HRH2: variants seen among roughly 807,000 people sequenced by gnomAD.
HRH2 encodes histamine receptor H2.
HRH2 carries 4 observed loss-of-function variants against 20.1 expected under a neutral mutation model. That is an observed-to-expected ratio of 0.20 (90% CI 0.10 to 0.45). HRH2 has a LOEUF of 0.45. HRH2 is among the 20% of genes least tolerant of loss of function. The probability of loss-of-function intolerance (pLI) is 0.99; values close to 1 mark genes in which losing one functional copy is unlikely to be tolerated. For synonymous variants in HRH2, 197 were observed against 200.7 expected, an observed-to-expected ratio of 0.98 and a Z score of 0.16; for missense variants, 250 against 461.6, an observed-to-expected ratio of 0.54 and a Z score of 4.20.
intron 2 of HRH2, among the ~76,000 whole-genome samples, chr5:175,703,255 T>G (rs958297911): frequency 6.6e-6 from 1 of 152,178 alleles, no homozygotes; most frequent in Non-Finnish European, 1.5e-5. Flanking sequence ...TACAGAACAA[T>G]TATCTGACTA....
chr5:175,666,351 G>A (rs1377411591), intron 1 of HRH2, among the ~76,000 whole-genome samples: 1 of 152,188 alleles, frequency 6.6e-6, no homozygotes, highest in Non-Finnish European at 1.5e-5. Flanking sequence ...CTCAGTCACA[G>A]CACAGGATGA....
rs1757027190 is a variant in HRH2 at position 175,709,205 on chromosome 5, C to G, written c.*1234C>G. On this transcript the variant is annotated 3_prime_UTR_variant, in exon 3 of 3. Transcript: ENST00000636584. ...TTCCAAGATGCTTCATGATCTTCCC[C>G]CTCCCTGACATCCCCGACCTCCCTT... The G allele has an allele frequency of 6.6e-6, 1 of 152,256 alleles. No individual in the cohort carries two copies. Among genetic ancestry groups the G allele is most frequent in the African/African-American group, 2.4e-5 (1 of 41,396 alleles). 9.4% of individuals were successfully genotyped at this position (152,256 alleles called of 1,614,324 possible).
chr5:175,670,995 C>T (rs888613181), intron 1 of HRH2, among the ~76,000 whole-genome samples: 19 of 152,352 alleles, frequency 1.2e-4, no homozygotes, highest in Admixed American at 2.6e-4. Context: ...GAAAGAATGG[C>T]GCACATGGGG....
intron 1 of HRH2, among the ~76,000 whole-genome samples, chr5:175,680,429 TC>T (rs1351202026): frequency 6.6e-6 from 1 of 152,222 alleles, no homozygotes; most frequent in East Asian, 1.9e-4. Context: ...AGCAGTCACT[TC>T]CTGGTGGAGG....
At chr5:175,664,171 C>G (rs1485475241) in intron 1 of HRH2, among the ~76,000 whole-genome samples, 1 of 152,186 alleles carries the variant, frequency 6.6e-6, no homozygotes, top group Non-Finnish European at 1.5e-5. Context: ...CAAACACCTC[C>G]AGCTCCAGCA....
intron 2 of HRH2, chr5:175,685,487 A>G: frequency 6.4e-7 from 1 of 1,550,626 alleles, no homozygotes; most frequent in South Asian, 1.2e-5. Context: ...ATTCATTTGC[A>G]AACATTCATC....
intron 2 of HRH2, among the ~76,000 whole-genome samples, chr5:175,684,722 C>T (rs568013780): frequency 1.3e-5 from 2 of 152,340 alleles, no homozygotes; most frequent in East Asian, 3.9e-4. Flanking sequence ...AATGCTGCCA[C>T]TTGACGGGCC....
At chr5:175,702,722 TTTC>T (rs1319889332) in intron 2 of HRH2, among the ~76,000 whole-genome samples, 2 of 147,636 alleles carry the variant, frequency 1.4e-5, no homozygotes, top group African/African-American at 5.1e-5. Flanking sequence ...TGGCTAATTT[TTTC>T]TTTTTTTTTT....
In HRH2 at chr5:175,698,368, G is replaced by A. The variant is rs28535892; in HGVS notation, c.1077-9411G>A. ...GAGAATCATGCTTTGAAGTTGGATAGCCCTGGGTTCAGATTTGAGCGTTGC... is the reference window on the plus strand; with the variant it reads ...GAGAATCATGCTTTGAAGTTGGATAACCCTGGGTTCAGATTTGAGCGTTGC... On this transcript the variant is annotated intron_variant, in intron 2 of 2. Coordinates refer to ENST00000636584, the MANE Select transcript of HRH2 (RefSeq NM_001367711.1). Among the ~76,000 whole-genome samples, 1,071 of 152,316 alleles carry A rather than the reference G, an allele frequency of 7.0e-3. 15 individuals carry two copies. Among genetic ancestry groups the A allele is most frequent in the African/African-American group, 0.025 (1,023 of 41,568 alleles).
rs1343901841 is a variant in HRH2, at chr5:175,677,321, CA to C, written c.-525-5387del. Among the ~76,000 whole-genome samples, 3 of 152,230 alleles carry C rather than the reference CA, an allele frequency of 2.0e-5. No individual in the cohort carries two copies. The highest frequency in any genetic ancestry group is 2.9e-5 in the Non-Finnish European group (2 of 68,038). ...CTTTATGCAGTCATTCACTGATGGA[CA>C]TGTAGGTTGATTCCATATCTTAGCT... is the stretch of plus-strand genomic sequence containing the variant. On this transcript the variant is annotated intron_variant, in intron 1 of 2. Transcript: ENST00000636584. This position sits in a 1 kb window ranked among gnomAD's most constrained non-coding sequence, Gnocchi z 4.2.
intron 2 of HRH2, among the ~76,000 whole-genome samples, chr5:175,703,045 T>C (rs1554113040): frequency 6.6e-6 from 1 of 152,206 alleles, no homozygotes; most frequent in Non-Finnish European, 1.5e-5. Flanking sequence ...ATGTATAATA[T>C]ACCTCTATCA....
chr5:175,673,256 C>T (rs1268077813), intron 1 of HRH2, among the ~76,000 whole-genome samples: 1 of 152,012 alleles, frequency 6.6e-6, no homozygotes, highest in Non-Finnish European at 1.5e-5. Context: ...TGTGTGTATG[C>T]ATGTGCGCGT....
rs77803537 is a variant in HRH2, at chr5:175,663,118, C to T, written c.-526+4963C>T. Among the ~76,000 whole-genome samples, 60 of 152,292 alleles carry T rather than the reference C, an allele frequency of 3.9e-4. No homozygotes were observed. The East Asian group carries it at 0.01, about 26-fold the overall frequency. ...TTTGGGGCTATAATGAATAATGTTG[C>T]TGTGAACGTTTGCATGTAGGCTTTT... On this transcript the variant is annotated intron_variant, in intron 1 of 2. Transcript: ENST00000636584.
At chr5:175,682,240 C>T (rs1170524853) in intron 1 of HRH2, among the ~76,000 whole-genome samples, 13 of 152,262 alleles carry the variant, frequency 8.5e-5, no homozygotes. Flanking sequence ...AGTATGATGA[C>T]ATTTTGCCAA....
At chr5:175,672,916 G>C (rs1419401634) in intron 1 of HRH2, among the ~76,000 whole-genome samples, 1 of 152,208 alleles carries the variant, frequency 6.6e-6, no homozygotes, top group Non-Finnish European at 1.5e-5. Flanking sequence ...CACAGACCAA[G>C]CTCTGGGGAG....
intron 2 of HRH2, among the ~76,000 whole-genome samples, chr5:175,695,007 T>C (rs1176327337): frequency 6.6e-6 from 1 of 152,036 alleles, no homozygotes; most frequent in South Asian, 2.1e-4. Context: ...TCAGAAATTG[T>C]CTCTGCCCTC....
In HRH2 at chr5:175,683,719, C is replaced by G. The variant is rs546442715; in HGVS notation, c.486C>G (p.Asn162Lys). ...LSIHLGWNSR[N>K]ETSKGNHTTS... is the part of the protein sequence containing the mutation. ...TCCACCTGGGGTGGAACAGCAGGAA[C>G]GAGACCAGCAAGGGCAATCATACCA... The change falls in exon 2 of 3, where the codon AAC (asparagine) becomes AAG (lysine). Residue 162 changes from asparagine to lysine, a missense_variant. By Grantham distance (94) the Asn-to-Lys change is moderately conservative. Transcript: ENST00000636584. 6.2e-7 allele frequency: 1 copy of G among 1,614,190 alleles called. No homozygotes were observed. Among genetic ancestry groups the G allele is most frequent in the Non-Finnish European group, 8.5e-7 (1 of 1,180,044 alleles).
chr5:175,675,478 C>G (rs1755723654), intron 1 of HRH2, among the ~76,000 whole-genome samples: 1 of 152,206 alleles, frequency 6.6e-6, no homozygotes, highest in Admixed American at 6.5e-5. Flanking sequence ...CATTTTTATC[C>G]TAACAACAGG....
chr5:175,669,159 T>A (rs1017602938), intron 1 of HRH2, among the ~76,000 whole-genome samples: 9 of 152,102 alleles, frequency 5.9e-5, no homozygotes, highest in African/African-American at 2.2e-4. Context: ...CTTTGTTAAA[T>A]GCATTTGTTT....
Sources: allele counts gnomAD v4.1 joint callset (sites outside exome capture counted in the v4.1 genomes callset), GRCh38; gene constraint gnomAD v4.1.1; non-coding constraint Gnocchi (gnomAD v3.1); transcripts MANE v1.5; gene names NCBI Gene and HGNC (gene_info 2026-07-23, HGNC 2026-07-21).